The following NCOA2 variants were observed in gnomAD, a reference collection of about 807,000 sequenced individuals.
The protein encoded by NCOA2 is class E basic helix-loop-helix protein 75.
A neutral mutation model predicts 145.1 loss-of-function variants in NCOA2; 21 were observed. That is an observed-to-expected ratio of 0.14 (90% CI 0.10 to 0.21). The LOEUF (loss-of-function observed/expected upper bound fraction) is 0.21, where lower values mean the gene tolerates loss of function less well. Among genes scored for constraint, NCOA2 ranks in the 10% least tolerant of loss-of-function variants. The probability of loss-of-function intolerance (pLI) is 1.00; values close to 1 mark genes in which losing one functional copy is unlikely to be tolerated. For missense variants in NCOA2, 1,472 were observed against 1,837.6 expected (o/e 0.80, Z 3.64); for synonymous variants, 619 against 637.5 (o/e 0.97, Z 0.44).
intron 1 of NCOA2, among the ~76,000 whole-genome samples, chr8:70,299,150 G>T (rs1036378351): frequency 2.0e-5 from 3 of 152,058 alleles, no homozygotes; most frequent in Non-Finnish European, 4.4e-5. Context: ...AGATACCTTG[G>T]TGTAACATTT....
the NCOA2 span, among the ~76,000 whole-genome samples, chr8:70,444,272 A>G: frequency 6.6e-6 from 1 of 152,226 alleles, no homozygotes; most frequent in Non-Finnish European, 1.5e-5. Flanking sequence ...GATTCCATTT[A>G]TATAACATCC....
upstream of NCOA2, among the ~76,000 whole-genome samples, chr8:70,408,201 G>A (rs1814811490): frequency 6.6e-6 from 1 of 152,118 alleles, no homozygotes; most frequent in South Asian, 2.1e-4. Context: ...TTTTATCAGT[G>A]CAATAAGACA....
At position 70,128,873 on chromosome 8, in the gene NCOA2, G is replaced by A. The variant is rs764996937; in HGVS notation, c.3432C>T (p.Ala1144=). The change falls in exon 17 of 23, where the codon GCC becomes GCT. Residue 1144 remains alanine (A), a synonymous_variant. Transcript: ENST00000452400. ...CTTGCATGGGAGAATAGCTACCCTGGGCCATTTGTGCCTGAGATGCATACT... is the reference window on the plus strand; with the variant it reads ...CTTGCATGGGAGAATAGCTACCCTGAGCCATTTGTGCCTGAGATGCATACT... ...PQQYASQAQM[A]QGSYSPMQDP... The A allele has an allele frequency of 2.5e-6, 4 of 1,613,830 alleles. No individual in the cohort carries two copies. In the East Asian group the frequency reaches 8.9e-5, roughly 36 times the overall value.
intron 1 of NCOA2, among the ~76,000 whole-genome samples, chr8:70,342,358 T>C (rs1348607721): frequency 1.3e-5 from 2 of 152,166 alleles, no homozygotes; most frequent in Non-Finnish European, 1.5e-5. Context: ...ACTAAGTGGC[T>C]TTCATAAGTC....
At chr8:70,198,790 G>A (rs562775480) in intron 4 of NCOA2, among the ~76,000 whole-genome samples, 2 of 152,194 alleles carry the variant, frequency 1.3e-5, no homozygotes, top group South Asian at 4.1e-4. Context: ...TGGTTACACA[G>A]ACTGAGATAG....
chr8:70,279,768 G>A (rs1322752073), intron 2 of NCOA2, among the ~76,000 whole-genome samples: 1 of 152,118 alleles, frequency 6.6e-6, no homozygotes, highest in Admixed American at 6.6e-5. Context: ...TTTTGAGAGG[G>A]GATTGTTGAC....
At chr8:70,374,403 C>T (rs543156408) in intron 1 of NCOA2, among the ~76,000 whole-genome samples, 1 of 149,438 alleles carries the variant, frequency 6.7e-6, no homozygotes, top group South Asian at 2.1e-4. Context: ...AGCCAGGTGG[C>T]AGAGGTTACA....
chr8:70,198,940 A>G (rs1462492524), intron 4 of NCOA2, among the ~76,000 whole-genome samples: 1 of 152,126 alleles, frequency 6.6e-6, no homozygotes, highest in African/African-American at 2.4e-5. Context: ...GGACAATGAA[A>G]CTGTAAGACG....
the NCOA2 span, among the ~76,000 whole-genome samples, chr8:70,413,604 T>C: frequency 6.6e-6 from 1 of 152,208 alleles, no homozygotes; most frequent in Non-Finnish European, 1.5e-5. Context: ...AGAAGAGTAA[T>C]ATACCCTTCA....
intron 2 of NCOA2, among the ~76,000 whole-genome samples, chr8:70,269,304 T>G (rs1011378578): frequency 6.6e-6 from 1 of 152,084 alleles, no homozygotes. Context: ...GCAAGCATAC[T>G]TGCCATAAAA....
chr8:70,261,586 TATA>T lies in NCOA2; in HGVS notation c.-20+35155_-20+35157del, dbSNP rs575587018. On this transcript the variant is annotated intron_variant, in intron 2 of 22. Coordinates refer to ENST00000452400, the MANE Select transcript of NCOA2 (RefSeq NM_006540.4). The stretch of plus-strand genomic sequence containing the variant: ...CGCACATGTACCCTAAAACTTAAAG[TATA>T]ATAATAATAATAATAATAAATGGAC... Among the ~76,000 whole-genome samples the T allele has an allele frequency of 5.8e-4, 88 of 151,076 alleles. No homozygotes were observed. In the East Asian group the frequency reaches 9.3e-3, roughly 16 times the overall value.
rs1023130459 is a variant in NCOA2, at chr8:70,112,885, T to A, written c.*747A>T. On this transcript the variant is annotated 3_prime_UTR_variant, in exon 23 of 23. Coordinates refer to ENST00000452400, the MANE Select transcript of NCOA2 (RefSeq NM_006540.4). ...TTAATTTAGAAATGAAAATTATTTC[T>A]TCTCAATTCATGATTCAGGTGAACC... 5.5e-5 allele frequency: 11 copies of A among 200,002 alleles called. No homozygotes were observed. The highest frequency in any genetic ancestry group is 2.5e-4 in the African/African-American group (11 of 43,458). 12.4% of individuals were successfully genotyped at this position (200,002 alleles called of 1,614,324 possible).
At chr8:70,198,663 G>A (rs987789838) in intron 4 of NCOA2, among the ~76,000 whole-genome samples, 7 of 152,180 alleles carry the variant, frequency 4.6e-5, no homozygotes, top group Admixed American at 3.9e-4. Context: ...AATACAGTGA[G>A]GAACTGACAG....
chr8:70,181,305 T>C (rs1815452290), intron 4 of NCOA2, among the ~76,000 whole-genome samples: 2 of 152,176 alleles, frequency 1.3e-5, no homozygotes, highest in African/African-American at 4.8e-5. Flanking sequence ...AGGGTGACAC[T>C]GTCATTATGG....
chr8:70,295,329 T>C (rs757484554), intron 2 of NCOA2, among the ~76,000 whole-genome samples: 15 of 152,212 alleles, frequency 9.9e-5, no homozygotes, highest in Non-Finnish European at 2.1e-4. Context: ...ATTTATTTGG[T>C]TTGCAGCGAT....
At chr8:70,279,714 G>A (rs1825735210) in intron 2 of NCOA2, among the ~76,000 whole-genome samples, 1 of 152,218 alleles carries the variant, frequency 6.6e-6, no homozygotes, top group African/African-American at 2.4e-5. Context: ...GGACCAGTGA[G>A]AGTCATTCCT....
chr8:70,362,283 A>G (rs930936834), intron 1 of NCOA2, among the ~76,000 whole-genome samples: 1 of 152,366 alleles, frequency 6.6e-6, no homozygotes, highest in East Asian at 1.9e-4. Context: ...GCACATAGAC[A>G]TATTTAGATG....
At chr8:70,280,940 C>T (rs4738085) in intron 2 of NCOA2, among the ~76,000 whole-genome samples, 2 of 151,492 alleles carry the variant, frequency 1.3e-5, no homozygotes, top group African/African-American at 2.4e-5. Flanking sequence ...GCATGTCACA[C>T]GAGATAATGG....
At chr8:70,215,075 AG>A (rs2133910547) in intron 3 of NCOA2, among the ~76,000 whole-genome samples, 1 of 152,304 alleles carries the variant, frequency 6.6e-6, no homozygotes, top group East Asian at 1.9e-4. Flanking sequence ...CAATTTGTCC[AG>A]GATCACCCCA....
Sources: allele counts gnomAD v4.1 joint callset (sites outside exome capture counted in the v4.1 genomes callset), GRCh38; gene constraint gnomAD v4.1.1; transcripts MANE v1.5; gene names NCBI Gene and HGNC (gene_info 2026-07-23, HGNC 2026-07-21).